Variants in CTNNA3 observed in about 807,000 individuals in gnomAD.
The protein encoded by CTNNA3 is catenin alpha-3.
CTNNA3 carries 76 observed loss-of-function variants against 95.7 expected under a neutral mutation model. The ratio of observed to expected loss-of-function variants is 0.79; its 90% CI spans 0.66 to 0.96. The LOEUF (loss-of-function observed/expected upper bound fraction) is 0.96. CTNNA3 is among the 40% of genes least tolerant of loss of function. The pLI is 0.00. For synonymous variants in CTNNA3, 431 were observed against 374.4 expected (o/e 1.15, Z -1.74); for missense variants, 1,191 against 1,089.8 (o/e 1.09, Z -1.31).
chr10:66,156,197 A>G lies in CTNNA3; in HGVS notation c.1885-52948T>C, dbSNP rs145155184. Among the ~76,000 whole-genome samples, 13 of 152,028 alleles carry G rather than the reference A, an allele frequency of 8.6e-5. No individual in the cohort carries two copies. The East Asian group carries it at 2.3e-3, about 27-fold the overall frequency. ...TACCTGGGTTTTTATTCTCCCTCAT[A>G]TATCCCAGACTTGGAGCTGAAGAAG... On this transcript the variant is annotated intron_variant, in intron 13 of 17. Coordinates refer to ENST00000433211, the MANE Select transcript of CTNNA3 (RefSeq NM_013266.4).
chr10:67,692,335 G>A (rs1292896138), intron 1 of CTNNA3, among the ~76,000 whole-genome samples: 8 of 147,450 alleles, frequency 5.4e-5, no homozygotes, highest in Admixed American at 5.4e-4. Flanking sequence ...AAATCGGATG[G>A]TTGCCGTGTC....
rs186280584 is a variant in CTNNA3 at position 66,073,625 on chromosome 10, C to T, written c.1978-4136G>A. Among the ~76,000 whole-genome samples the T allele has an allele frequency of 2.6e-3, 388 of 152,118 alleles. 5 individuals are homozygous for T. Among genetic ancestry groups the T allele is most frequent in the African/African-American group, 9.1e-3 (376 of 41,530 alleles). ...TTCTTTAGCCTATTCTGTCAGTTGT[C>T]CATTTTATCCTTTATCACATCCATT... is the stretch of plus-strand genomic sequence containing the variant. On this transcript the variant is annotated intron_variant, in intron 14 of 17. Transcript: ENST00000433211.
At chr10:67,008,523 A>C (rs1410125527) in intron 7 of CTNNA3, among the ~76,000 whole-genome samples, 1 of 152,082 alleles carries the variant, frequency 6.6e-6, no homozygotes, top group Non-Finnish European at 1.5e-5. Context: ...TAAGAACAAT[A>C]ATGTATTTGT....
At chr10:66,575,886 T>G (rs1842989303) in intron 10 of CTNNA3, among the ~76,000 whole-genome samples, 1 of 152,144 alleles carries the variant, frequency 6.6e-6, no homozygotes, top group Admixed American at 6.6e-5. Context: ...ATCTGTTCTT[T>G]AATACCTGTG....
chr10:65,943,086 C>T (rs1277552672), intron 17 of CTNNA3, among the ~76,000 whole-genome samples: 1 of 142,232 alleles, frequency 7.0e-6, no homozygotes, highest in Non-Finnish European at 1.5e-5. Context: ...TTTTTTGAGA[C>T]GGAGTCTCGC....
Position 66,872,600 on chromosome 10 carries a change from T to G in CTNNA3, c.1048-97076A>C, listed in dbSNP as rs576232019. ...AGGAGAATCACTTAAACCCCAAAGG[T>G]GGAGGTTACAGTGAGCCGAGATTGT... On this transcript the variant is annotated intron_variant, in intron 7 of 17. Coordinates refer to ENST00000433211, the MANE Select transcript of CTNNA3 (RefSeq NM_013266.4). Among the ~76,000 whole-genome samples, 311 of 152,078 alleles carry G rather than the reference T, an allele frequency of 2.0e-3. 1 individual carries two copies. The highest frequency in any genetic ancestry group is 7.1e-3 in the African/African-American group (293 of 41,482).
intron 14 of CTNNA3, among the ~76,000 whole-genome samples, chr10:66,075,002 C>T (rs995686199): frequency 6.6e-6 from 1 of 151,710 alleles, no homozygotes; most frequent in African/African-American, 2.4e-5. Context: ...CATTGTCAAC[C>T]ACATTTACAC....
At chr10:67,437,649 T>C (rs1218132573) in intron 5 of CTNNA3, among the ~76,000 whole-genome samples, 1 of 152,080 alleles carries the variant, frequency 6.6e-6, no homozygotes, top group Non-Finnish European at 1.5e-5. Flanking sequence ...TTGTCTTTCT[T>C]TTATCAATTT....
At chr10:67,243,334 C>T (rs1589077266) in intron 5 of CTNNA3, among the ~76,000 whole-genome samples, 1 of 152,052 alleles carries the variant, frequency 6.6e-6, no homozygotes, top group South Asian at 2.1e-4. Flanking sequence ...CAATATACAC[C>T]CTTGCTCTGT....
At chr10:67,381,776 G>A (rs1843955586) in intron 5 of CTNNA3, among the ~76,000 whole-genome samples, 1 of 152,160 alleles carries the variant, frequency 6.6e-6, no homozygotes, top group East Asian at 1.9e-4. Flanking sequence ...GTTCTTTCTA[G>A]AATTGAAAAC....
chr10:66,795,509 C>G (rs2132217187), intron 7 of CTNNA3, among the ~76,000 whole-genome samples: 1 of 152,214 alleles, frequency 6.6e-6, no homozygotes, highest in South Asian at 2.1e-4. Flanking sequence ...GTTCCATTTA[C>G]AGAATACAGG....
intron 13 of CTNNA3, among the ~76,000 whole-genome samples, chr10:66,250,322 A>C (rs1290695712): frequency 2.6e-5 from 4 of 152,164 alleles, no homozygotes; most frequent in Non-Finnish European, 5.9e-5. Context: ...TGGGTACAAA[A>C]AATAGAAAGA....
At chr10:66,412,397 G>A (rs1461173025) in intron 11 of CTNNA3, among the ~76,000 whole-genome samples, 2 of 151,460 alleles carry the variant, frequency 1.3e-5, no homozygotes, top group African/African-American at 4.8e-5. Flanking sequence ...GAACAAATGT[G>A]AGCTGCACAG....
At chr10:67,240,837 T>G (rs758786963) in intron 5 of CTNNA3, among the ~76,000 whole-genome samples, 22 of 151,930 alleles carry the variant, frequency 1.4e-4, no homozygotes, top group Non-Finnish European at 2.4e-4. Context: ...TGTAGGGGGG[T>G]GTGTGTGCAC....
intron 4 of CTNNA3, among the ~76,000 whole-genome samples, chr10:67,523,284 T>C (rs1840038587): frequency 6.6e-6 from 1 of 152,156 alleles, no homozygotes; most frequent in South Asian, 2.1e-4. Flanking sequence ...CTGAAGGAAC[T>C]CATACCACTG....
At chr10:66,226,177 T>C (rs959518979) in intron 13 of CTNNA3, among the ~76,000 whole-genome samples, 1 of 152,142 alleles carries the variant, frequency 6.6e-6, no homozygotes, top group Non-Finnish European at 1.5e-5. Flanking sequence ...AGTAGTGTTA[T>C]AGACTTGGGT....
At chr10:67,635,969 T>C in intron 2 of CTNNA3, among the ~76,000 whole-genome samples, 1 of 152,182 alleles carries the variant, frequency 6.6e-6, no homozygotes, top group East Asian at 1.9e-4. Flanking sequence ...TTCAGCAAAG[T>C]CTCAGGATAT....
At chr10:66,115,477 A>G (rs985114932) in intron 13 of CTNNA3, among the ~76,000 whole-genome samples, 1 of 151,846 alleles carries the variant, frequency 6.6e-6, no homozygotes. Context: ...AGGGAAAGAG[A>G]TGTTGTGGTT....
At chr10:66,438,615 T>G (rs2093354306) in intron 11 of CTNNA3, among the ~76,000 whole-genome samples, 1 of 152,070 alleles carries the variant, frequency 6.6e-6, no homozygotes, top group Non-Finnish European at 1.5e-5. Context: ...TTTCAAGCCA[T>G]GGAGCTTGTT....
Sources: allele counts gnomAD v4.1 joint callset (sites outside exome capture counted in the v4.1 genomes callset), GRCh38; gene constraint gnomAD v4.1.1; transcripts MANE v1.5; gene names NCBI Gene and HGNC (gene_info 2026-07-23, HGNC 2026-07-21).